The following PLCG2 variants were observed in gnomAD, a reference collection of about 807,000 sequenced individuals.
The protein encoded by PLCG2 is 1-phosphatidylinositol 4,5-bisphosphate phosphodiesterase gamma-2.
PLCG2 carries 69 observed loss-of-function variants against 175.6 expected under a neutral mutation model. That is an observed-to-expected ratio of 0.39 (90% CI 0.32 to 0.48). PLCG2 has a LOEUF of 0.48. PLCG2 is among the 20% of genes least tolerant of loss of function. PLCG2 has a pLI of 0.91. For missense variants in PLCG2, 1,798 were observed against 1,650.9 expected (o/e 1.09, Z -1.54); for synonymous variants, 827 against 624.0 (o/e 1.33, Z -4.85).
chr16:81,883,521 T>G (rs1908198547), intron 9 of PLCG2, 180 bp downstream of exon 9: 1 of 606,772 alleles, frequency 1.6e-6, no homozygotes, highest in Admixed American at 2.7e-5. Context: ...GACTTCAGAT[T>G]GCTGTCTGAT....
chr16:81,801,538 C>T (rs74029218), intron 2 of PLCG2, among the ~76,000 whole-genome samples: 1 of 152,186 alleles, frequency 6.6e-6, no homozygotes, highest in Non-Finnish European at 1.5e-5. Context: ...CAATGCTGGA[C>T]ATTTAGGTTG....
intron 31 of PLCG2, among the ~76,000 whole-genome samples, chr16:81,953,048 C>G (rs1271023269): frequency 6.6e-6 from 1 of 152,190 alleles, no homozygotes; most frequent in Non-Finnish European, 1.5e-5. Flanking sequence ...GACATTCTTG[C>G]CAAAACTGCA....
At position 81,889,204 on chromosome 16, in the gene PLCG2, T is replaced by G; in HGVS notation, c.798T>G (p.Arg266=). Residue 266 remains arginine, a synonymous_variant, in exon 10 of 33, where the codon CGT becomes CGG. Coordinates refer to ENST00000564138, the MANE Select transcript of PLCG2 (RefSeq NM_002661.5). The part of the protein sequence containing the change: ...EHWAQDLNKV[R]ERMTKFIDDT... ...GGGCTCAGGATCTGAACAAAGTCCG[T>G]GAGCGGATGACAAAGTTCATTGATG... 1 of 1,605,636 alleles carries G rather than the reference T, an allele frequency of 6.2e-7. No individual in the cohort carries two copies. The highest frequency in any genetic ancestry group is 8.5e-7 in the Non-Finnish European group (1 of 1,175,896).
At chr16:81,885,409 C>T (rs1261255589) in intron 9 of PLCG2, among the ~76,000 whole-genome samples, 1 of 152,214 alleles carries the variant, frequency 6.6e-6, no homozygotes, top group Non-Finnish European at 1.5e-5. Flanking sequence ...AGTGACTCAC[C>T]TGTCTCAGCT....
chr16:81,796,766 G>C (rs1187141318), intron 2 of PLCG2, among the ~76,000 whole-genome samples: 1 of 152,166 alleles, frequency 6.6e-6, no homozygotes, highest in African/African-American at 2.4e-5. Flanking sequence ...TGCAAGCTAA[G>C]GAACACCAGG....
At chr16:81,888,873 G>A (rs1007662680) in intron 9 of PLCG2, among the ~76,000 whole-genome samples, 1 of 152,288 alleles carries the variant, frequency 6.6e-6, no homozygotes, top group South Asian at 2.1e-4. Flanking sequence ...ATGCCCATTT[G>A]CCTACGGATC....
chr16:81,770,564 A>G (rs1196544623), intron 2 of PLCG2, among the ~76,000 whole-genome samples: 1 of 151,938 alleles, frequency 6.6e-6, no homozygotes, highest in African/African-American at 2.4e-5. Context: ...AAATACAAAC[A>G]TCTAGCCAGG....
At chr16:81,927,304 A>G in intron 23 of PLCG2, 126 bp downstream of exon 23, 1 of 683,790 alleles carries the variant, frequency 1.5e-6, no homozygotes. Context: ...GGAGCTCTGG[A>G]TCAGGGAAGA....
At position 81,741,907 on chromosome 16, in the gene PLCG2, C is replaced by A. The variant is rs144908742; in HGVS notation, c.-145+2522C>A. Among the ~76,000 whole-genome samples the A allele has an allele frequency of 3.3e-3, 510 of 152,276 alleles. 4 individuals are homozygous for A. The highest frequency in any genetic ancestry group is 0.012 in the African/African-American group (487 of 41,540). Reference sequence around the variant, plus strand: ...TGTGAACATTGAAAATCTCTTCTAGCTTTTTGAAAATATACAATAAGCCAT... The same window carrying A: ...TGTGAACATTGAAAATCTCTTCTAGATTTTTGAAAATATACAATAAGCCAT... On this transcript the variant is annotated intron_variant, in intron 1 of 5. Transcript: ENST00000565054.
At chr16:81,954,505 G>A (rs979003264) in intron 31 of PLCG2, among the ~76,000 whole-genome samples, 11 of 152,078 alleles carry the variant, frequency 7.2e-5, no homozygotes, top group South Asian at 2.1e-4. Flanking sequence ...TTCCCCATCC[G>A]CCAACTAGCC....
At chr16:81,925,999 AG>A (rs1910257085) in intron 22 of PLCG2, among the ~76,000 whole-genome samples, 1 of 152,192 alleles carries the variant, frequency 6.6e-6, no homozygotes, top group South Asian at 2.1e-4. Context: ...ACAGGATGCC[AG>A]GGGACCACAG....
intron 29 of PLCG2, among the ~76,000 whole-genome samples, chr16:81,939,481 G>C (rs904940778): frequency 2.0e-5 from 3 of 152,192 alleles, no homozygotes; most frequent in African/African-American, 4.8e-5. Flanking sequence ...TGGCAGGATT[G>C]CTGCTTGCCT....
At chr16:81,824,891 A>G (rs1224339460) in intron 2 of PLCG2, among the ~76,000 whole-genome samples, 1 of 152,232 alleles carries the variant, frequency 6.6e-6, no homozygotes, top group Non-Finnish European at 1.5e-5. Context: ...ATTCTCCTGC[A>G]TGACCCAGGT....
chr16:81,811,440 C>T (rs1904320991), intron 2 of PLCG2, among the ~76,000 whole-genome samples: 1 of 152,102 alleles, frequency 6.6e-6, no homozygotes, highest in Non-Finnish European at 1.5e-5. Context: ...ATTCCCTAGG[C>T]TGGGAACTGG....
intron 7 of PLCG2, 147 bp downstream of exon 7, chr16:81,871,082 T>C (rs890843419): frequency 9.5e-6 from 5 of 526,402 alleles, no homozygotes; most frequent in East Asian, 3.2e-5. Context: ...AAGCATACCA[T>C]TTTCATCCAT....
chr16:81,798,802 G>A (rs1183902704), intron 2 of PLCG2: 1 of 152,344 alleles, frequency 6.6e-6, no homozygotes, highest in Non-Finnish European at 1.5e-5. Context: ...GAGCTCAGAA[G>A]AGGTGGAGGA....
At chr16:81,748,705 A>C (rs1909750439) in intron 1 of PLCG2, among the ~76,000 whole-genome samples, 1 of 152,180 alleles carries the variant, frequency 6.6e-6, no homozygotes, top group South Asian at 2.1e-4. Context: ...AAAACCCCAG[A>C]CTCGGATCTC....
chr16:81,925,891 A>AG (rs1555521146), intron 22 of PLCG2, among the ~76,000 whole-genome samples: 1 of 74,310 alleles, frequency 1.3e-5, no homozygotes, highest in Non-Finnish European at 2.9e-5. Flanking sequence ...GTCTCAAAAA[A>AG]AAAAAAAAAA....
intron 25 of PLCG2, among the ~76,000 whole-genome samples, chr16:81,934,101 G>T (rs754070974): frequency 6.6e-6 from 1 of 152,174 alleles, no homozygotes; most frequent in Non-Finnish European, 1.5e-5. Context: ...TGTGGCTTTA[G>T]GGGAGGGGAC....
Sources: gnomAD v4.1 joint callset for allele counts (sites outside exome capture counted in the v4.1 genomes callset) on GRCh38, gnomAD v4.1.1 for gene constraint, MANE v1.5 for transcripts, NCBI Gene and HGNC (gene_info 2026-07-23, HGNC 2026-07-21) for gene names.